The following SEMA5B variants were observed in gnomAD, a reference collection of about 807,000 sequenced individuals.
SEMA5B encodes the protein semaphorin 5B.
A neutral mutation model predicts 135.0 loss-of-function variants in SEMA5B; 66 were observed. The observed-to-expected ratio is 0.49, with a 90% CI of 0.40 to 0.60. The LOEUF is 0.60. SEMA5B is among the 20% of genes least tolerant of loss of function. SEMA5B has a pLI of 0.00. For missense variants in SEMA5B, 1,501 were observed against 1,566.3 expected (o/e 0.96, Z 0.70); for synonymous variants, 690 against 639.5 (o/e 1.08, Z -1.19).
intron 1 of SEMA5B, among the ~76,000 whole-genome samples, chr3:122,964,542 T>C (rs577558480): frequency 1.6e-4 from 24 of 152,344 alleles, no homozygotes; most frequent in Admixed American, 3.3e-4. Context: ...GAAATCCCTA[T>C]GTGCACCAAA....
chr3:122,986,989 G>A (rs1198583365), intron 1 of SEMA5B, among the ~76,000 whole-genome samples: 2 of 152,150 alleles, frequency 1.3e-5, no homozygotes, highest in African/African-American at 2.4e-5. Context: ...GGAAGGGAAG[G>A]GAGGCTGTTT....
chr3:122,986,125 C>A (rs1941687683), intron 1 of SEMA5B, among the ~76,000 whole-genome samples: 1 of 152,192 alleles, frequency 6.6e-6, no homozygotes, highest in Non-Finnish European at 1.5e-5. Flanking sequence ...CTTGCCAACA[C>A]CAAGTCCAGA....
rs1409126360 is a variant in SEMA5B, at chr3:122,910,206, G to C, written c.3393C>G (p.Pro1131=). 1.9e-6 allele frequency: 3 copies of C among 1,614,124 alleles called. No homozygotes were observed. The African/African-American group carries it at 4.0e-5, about 22-fold the overall frequency. Reference sequence around the variant, plus strand: ...CGGGCCGGAAGCTGTGTTTGTTCAGGGGGCTTGGGTAGTAAGTAGTCGTGT... The same window carrying C: ...CGGGCCGGAAGCTGTGTTTGTTCAGCGGGCTTGGGTAGTAAGTAGTCGTGT... ...NVYTTTYYPS[P]LNKHSFRPEA... is the part of the protein sequence containing the mutation. The change falls in exon 23 of 23, where the codon CCC becomes CCG. Residue 1131 remains proline (P), a synonymous_variant. Coordinates refer to ENST00000357599, the MANE Select transcript of SEMA5B (RefSeq NM_001031702.4).
chr3:122,992,799 C>T (rs1941918429), intron 1 of SEMA5B: 1 of 152,264 alleles, frequency 6.6e-6, no homozygotes, highest in Non-Finnish European at 1.5e-5. Flanking sequence ...AGCAGCTCAG[C>T]TGCGGGCACC....
chr3:122,988,908 C>T (rs992142094), intron 1 of SEMA5B, among the ~76,000 whole-genome samples: 11 of 152,212 alleles, frequency 7.2e-5, no homozygotes, highest in Non-Finnish European at 4.4e-5. Context: ...GAAATGAATG[C>T]AGGCATGAAT....
chr3:123,007,808 C>G (rs909987776), intron 1 of SEMA5B, among the ~76,000 whole-genome samples: 1 of 152,124 alleles, frequency 6.6e-6, no homozygotes, highest in South Asian at 2.1e-4. Flanking sequence ...TTATAAGTTA[C>G]CCAGTTTCAT....
Position 122,913,956 on chromosome 3 carries a change from C to T in SEMA5B, c.2034G>A (p.Thr678=). The T allele has an allele frequency of 1.9e-6, 3 of 1,611,754 alleles. No individual in the cohort carries two copies. The highest frequency in any genetic ancestry group is 2.5e-6 in the Non-Finnish European group (3 of 1,179,528). The part of the protein sequence containing the change: ...TPWSSWALCS[T]SCGIGFQVRQ... ...GGACCTGGAAGCCGATGCCACAGGA[C>T]GTGCTGCACAGCGCCCACGATGACC... Residue 678 remains threonine (T), a synonymous_variant, in exon 15 of 23, where the codon ACG becomes ACA. Coordinates refer to ENST00000357599, the MANE Select transcript of SEMA5B (RefSeq NM_001031702.4).
intron 4 of SEMA5B, 82 bp downstream of exon 4, chr3:122,943,354 G>A: frequency 1.0e-6 from 1 of 979,438 alleles, no homozygotes; most frequent in Non-Finnish European, 1.6e-6. Flanking sequence ...GGCTGCCCAG[G>A]TGAGTTCATC....
At position 122,910,054 on chromosome 3, in the gene SEMA5B, G is replaced by A; in HGVS notation, c.*89C>T. 7.0e-7 allele frequency: 1 copy of A among 1,418,574 alleles called. No individual in the cohort carries two copies. The highest frequency in any genetic ancestry group is 2.1e-5 in the Admixed American group (1 of 47,304). The allele number at this position is 1,418,574 out of a possible 1,614,324, so 87.9% of individuals were successfully genotyped here. A position where few individuals can be genotyped will look rare whatever the true frequency, so the allele number is the denominator to read the frequency against. On this transcript the variant is annotated 3_prime_UTR_variant, in exon 23 of 23. Transcript: ENST00000357599. ...CAGCAAGTTCTTGGCCTAGTGCAGA[G>A]GGAGAAAACCAAACTGGCTCCACTG...
intron 1 of SEMA5B, among the ~76,000 whole-genome samples, chr3:123,009,569 G>T (rs1443093843): frequency 6.6e-6 from 1 of 152,120 alleles, no homozygotes; most frequent in Non-Finnish European, 1.5e-5. Context: ...GAAAAAAAGA[G>T]AAAGAAAAAG....
intron 2 of SEMA5B, 139 bp from the exon 3 acceptor site, chr3:122,948,848 G>C: frequency 1.5e-6 from 1 of 682,484 alleles, no homozygotes; most frequent in South Asian, 2.5e-5. Context: ...AGTTTGCTCT[G>C]CTCTAGTAAA....
intron 1 of SEMA5B, among the ~76,000 whole-genome samples, chr3:122,985,690 T>C (rs1331248968): frequency 6.6e-6 from 1 of 152,102 alleles, no homozygotes; most frequent in Non-Finnish European, 1.5e-5. Context: ...CTGCTGCAGA[T>C]AGCTGGAATC....
At chr3:122,923,877 A>ACAC (rs3832229) in intron 9 of SEMA5B, 125 bp from the exon 10 acceptor site, 694,656 of 1,027,884 alleles carry the variant, frequency 0.68, 245,705 homozygotes, top group Non-Finnish European at 0.73. Context: ...TGTGTCTGGC[A>ACAC]CATGGGGGGA....
rs1347054943 is a variant in SEMA5B, at chr3:122,927,998, C to T, written c.642G>A (p.Gly214=). 15 of 1,468,240 alleles carry T rather than the reference C, an allele frequency of 1.0e-5. No individual in the cohort carries two copies. Among genetic ancestry groups the T allele is most frequent in the Non-Finnish European group, 1.4e-5 (15 of 1,104,444 alleles). 91.0% of individuals were successfully genotyped at this position (1,468,240 alleles called of 1,614,324 possible). A position where few individuals can be genotyped will look rare whatever the true frequency, so the allele number is the denominator to read the frequency against. The change falls in exon 8 of 23, where the codon GGG becomes GGA. Residue 214 remains glycine (G), a synonymous_variant. Transcript: ENST00000357599. ...TCTTCTCAATAGTCCGGCTGAGGTTCCCCACCTGGGGACAATGGGGAGAAG... is the reference window on the plus strand; with the variant it reads ...TCTTCTCAATAGTCCGGCTGAGGTTTCCCACCTGGGGACAATGGGGAGAAG... ...FSPMCTSRQV[G]NLSRTIEKIN...
chr3:123,000,325 G>C (rs984070149), intron 1 of SEMA5B, among the ~76,000 whole-genome samples: 1 of 152,188 alleles, frequency 6.6e-6, no homozygotes, highest in African/African-American at 2.4e-5. Flanking sequence ...AGGTCCCAGA[G>C]GTGGTGCAGG....
intron 1 of SEMA5B, among the ~76,000 whole-genome samples, chr3:123,003,675 A>G (rs1324466953): frequency 2.0e-5 from 3 of 152,140 alleles, no homozygotes; most frequent in Non-Finnish European, 4.4e-5. Context: ...TCTACTAAAA[A>G]TACAAAAAAT....
At chr3:122,978,439 A>G (rs1312343697) in intron 1 of SEMA5B, among the ~76,000 whole-genome samples, 1 of 152,216 alleles carries the variant, frequency 6.6e-6, no homozygotes, top group Non-Finnish European at 1.5e-5. Flanking sequence ...AAGGAAGAAA[A>G]TCAACCCTGG....
intron 2 of SEMA5B, among the ~76,000 whole-genome samples, chr3:122,952,835 CTG>C (rs1327085062): frequency 6.6e-5 from 10 of 152,194 alleles, no homozygotes; most frequent in Non-Finnish European, 1.5e-4. Flanking sequence ...GTGAGCACAG[CTG>C]CATCCCTCAA....
chr3:123,010,946 G>A (rs1170942565), intron 1 of SEMA5B, among the ~76,000 whole-genome samples: 1 of 152,174 alleles, frequency 6.6e-6, no homozygotes, highest in Non-Finnish European at 1.5e-5. Context: ...TGAACATGTG[G>A]GCTGACAGCC....
Sources: allele counts gnomAD v4.1 joint callset (sites outside exome capture counted in the v4.1 genomes callset), GRCh38; gene constraint gnomAD v4.1.1; transcripts MANE v1.5; gene names NCBI Gene and HGNC (gene_info 2026-07-23, HGNC 2026-07-21).